EIF2B1: variants seen among roughly 807,000 people sequenced by gnomAD.
EIF2B1 encodes eukaryotic translation initiation factor 2B subunit alpha, also known as translation initiation factor eIF2B subunit alpha.
In EIF2B1, 30 loss-of-function variants were observed where a neutral mutation model predicts 36.8. The ratio of observed to expected loss-of-function variants is 0.81; its 90% CI spans 0.61 to 1.10. EIF2B1 has a LOEUF of 1.10. Among genes scored for constraint, EIF2B1 ranks in the 50% least tolerant of loss-of-function variants. The pLI, the probability that EIF2B1 is intolerant of heterozygous loss-of-function variation, is 0.00. For missense variants in EIF2B1, 271 were observed against 374.8 expected (o/e 0.72, Z 2.29); for synonymous variants, 139 against 142.2 (o/e 0.98, Z 0.16).
chr12:123,623,743 G>A (rs1287660899), intron 7 of EIF2B1, among the ~76,000 whole-genome samples: 1 of 151,992 alleles, frequency 6.6e-6, no homozygotes, highest in African/African-American at 2.4e-5. Flanking sequence ...CAAAGTGCTG[G>A]GATTATAGGC....
In EIF2B1 at chr12:123,621,360, C is replaced by T. The variant is rs1256102487; in HGVS notation, c.*396G>A. The T allele has an allele frequency of 9.0e-6, 3 of 332,046 alleles. No homozygotes were observed. Among genetic ancestry groups the T allele is most frequent in the South Asian group, 5.0e-5 (2 of 40,336 alleles). 20.6% of individuals were successfully genotyped at this position (332,046 alleles called of 1,614,324 possible). ...TGTAACGTCCTGACCAGCTGTTGGTCATTTGTGGCAGAGGGGTGTGGCTGC... is the reference window on the plus strand; with the variant it reads ...TGTAACGTCCTGACCAGCTGTTGGTTATTTGTGGCAGAGGGGTGTGGCTGC... On this transcript the variant is annotated 3_prime_UTR_variant, in exon 9 of 9. Coordinates refer to ENST00000424014, the MANE Select transcript of EIF2B1 (RefSeq NM_001414.4).
chr12:123,621,432 A>AG lies in EIF2B1; in HGVS notation c.*323dup, dbSNP rs1955097075. The AG allele has an allele frequency of 2.6e-6, 1 of 382,712 alleles. No homozygotes were observed. Among genetic ancestry groups the AG allele is most frequent in the African/African-American group, 2.1e-5 (1 of 47,704 alleles). The allele number at this position is 382,712 out of a possible 1,614,324, so 23.7% of individuals were successfully genotyped here. Reference sequence around the variant, plus strand: ...CTTTAGGCAGATCAGTCTGGAGTGCAGGGGAGGATGAAGACAGGTGGACTT... The same window carrying AG: ...CTTTAGGCAGATCAGTCTGGAGTGCAGGGGGAGGATGAAGACAGGTGGACTT... On this transcript the variant is annotated 3_prime_UTR_variant, in exon 9 of 9. Coordinates refer to ENST00000424014, the MANE Select transcript of EIF2B1 (RefSeq NM_001414.4).
chr12:123,632,291 GA>G (rs1167365932), intron 2 of EIF2B1, 53 bp downstream of exon 2: 14 of 912,960 alleles, frequency 1.5e-5, no homozygotes, highest in Admixed American at 7.1e-5. Context: ...AAAAAGAAAA[GA>G]AAAAAAAGAC....
intron 4 of EIF2B1, among the ~76,000 whole-genome samples, chr12:123,629,165 A>T (rs921223083): frequency 6.6e-6 from 1 of 152,184 alleles, no homozygotes; most frequent in Non-Finnish European, 1.5e-5. Context: ...AAGAGTCAAA[A>T]TGCAAGTAAA....
In EIF2B1 at chr12:123,630,106, AC is replaced by A; in HGVS notation, c.369+62del. 2.8e-6 allele frequency: 4 copies of A among 1,449,642 alleles called. No individual in the cohort carries two copies. Among genetic ancestry groups the A allele is most frequent in the Non-Finnish European group, 3.9e-6 (4 of 1,033,948 alleles). 89.8% of individuals were successfully genotyped at this position (1,449,642 alleles called of 1,614,324 possible). A position where few individuals can be genotyped will look rare whatever the true frequency, so the allele number is the denominator to read the frequency against. ...AAGTGAGTGGCAGAGCCCGGATTTT[AC>A]CCCAGGCAGTCGGACTCGAAACCGT... On this transcript the variant is annotated intron_variant, in intron 4 of 8. Transcript: ENST00000424014. This position sits in a 1 kb window ranked among gnomAD's most constrained non-coding sequence, Gnocchi z 4.6.
intron 1 of EIF2B1, 78 bp downstream of exon 1, chr12:123,633,467 C>T: frequency 6.3e-7 from 1 of 1,598,888 alleles, no homozygotes; most frequent in Non-Finnish European, 8.6e-7. Context: ...TTCGGGAGCT[C>T]AGCCTGGATG....
chr12:123,626,570 G>A, intron 5 of EIF2B1, 77 bp from the exon 6 acceptor site: 1 of 1,518,698 alleles, frequency 6.6e-7, no homozygotes, highest in African/African-American at 1.4e-5. Flanking sequence ...AATGTGGACA[G>A]TGGATGTTTG....
At chr12:123,626,374 G>A (rs748227864) in intron 6 of EIF2B1, 51 bp downstream of exon 6, 1 of 1,607,506 alleles carries the variant, frequency 6.2e-7, no homozygotes, top group South Asian at 1.1e-5. Flanking sequence ...CTTGCTGTAA[G>A]CCAGCATGGG....
At chr12:123,633,302 G>T (rs980086011) in intron 1 of EIF2B1, among the ~76,000 whole-genome samples, 2 of 151,040 alleles carry the variant, frequency 1.3e-5, no homozygotes, top group African/African-American at 4.9e-5. Flanking sequence ...CAACAAGGCA[G>T]GAAGGAGACT....
At chr12:123,622,368 G>C (rs1238326871) in intron 8 of EIF2B1, among the ~76,000 whole-genome samples, 1 of 152,190 alleles carries the variant, frequency 6.6e-6, no homozygotes, top group African/African-American at 2.4e-5. Context: ...GTGGTGATGG[G>C]AGCTGAGCTC....
chr12:123,623,878 A>G (rs1182370808), intron 7 of EIF2B1, among the ~76,000 whole-genome samples: 2 of 152,148 alleles, frequency 1.3e-5, no homozygotes, highest in African/African-American at 4.8e-5. Flanking sequence ...TGCTCAATTA[A>G]AATGAAAACA....
intron 7 of EIF2B1, among the ~76,000 whole-genome samples, chr12:123,623,125 A>C (rs1317491520): frequency 7.0e-6 from 1 of 142,758 alleles, no homozygotes; most frequent in Non-Finnish European, 1.5e-5. Flanking sequence ...TCACGCCTGT[A>C]ATCCCAGCAC....
chr12:123,620,506 T>C lies in EIF2B1; in HGVS notation c.*1250A>G. On this transcript the variant is annotated 3_prime_UTR_variant, in exon 9 of 9. Transcript: ENST00000424014. ...CTTGGAGTAGTCTAACAGAAGAAAA[T>C]GTAAAATTATTTGAGTGTAAATAAT... 1 of 152,676 alleles carries C rather than the reference T, an allele frequency of 6.5e-6. No individual in the cohort carries two copies. Among genetic ancestry groups the C allele is most frequent in the East Asian group, 1.9e-4 (1 of 5,234 alleles). 9.5% of individuals were successfully genotyped at this position (152,676 alleles called of 1,614,324 possible). A position where few individuals can be genotyped will look rare whatever the true frequency, so the allele number is the denominator to read the frequency against.
At chr12:123,623,977 C>A (rs1001516558) in intron 7 of EIF2B1, among the ~76,000 whole-genome samples, 2 of 151,594 alleles carry the variant, frequency 1.3e-5, no homozygotes, top group Non-Finnish European at 2.9e-5. Flanking sequence ...TTCAAGACTG[C>A]AGTAAGCTAT....
chr12:123,626,277 T>C, intron 6 of EIF2B1, 148 bp downstream of exon 6: 4 of 857,818 alleles, frequency 4.7e-6, no homozygotes, highest in Non-Finnish European at 7.5e-6. Context: ...CATAACAAGC[T>C]TGCTGGTTTA....
intron 4 of EIF2B1, among the ~76,000 whole-genome samples, chr12:123,627,958 T>C (rs1017064242): frequency 3.3e-5 from 5 of 152,230 alleles, no homozygotes; most frequent in African/African-American, 1.2e-4. Context: ...AATTTTGAAA[T>C]GATGGCTAAC....
intron 5 of EIF2B1, chr12:123,626,734 A>C (rs1310124166): frequency 3.1e-6 from 2 of 635,752 alleles, no homozygotes; most frequent in Non-Finnish European, 5.6e-6. Context: ...AAAAAGGAGG[A>C]AGTTTTGCTT....
chr12:123,622,974 C>T (rs1346707598), intron 7 of EIF2B1, among the ~76,000 whole-genome samples: 1 of 151,526 alleles, frequency 6.6e-6, no homozygotes, highest in African/African-American at 2.4e-5. Context: ...TAAAAAACAG[C>T]AATAGAAAGT....
rs371367101 is a variant in EIF2B1 at position 123,630,481 on chromosome 12, C to G, written c.168G>C (p.Leu56=). 5.6e-6 allele frequency: 9 copies of G among 1,613,878 alleles called. No individual in the cohort carries two copies. The highest frequency in any genetic ancestry group is 7.6e-6 in the Non-Finnish European group (9 of 1,180,006). ...RANLTSAIET[L]CGVDSSVAVS... ...CTGCCACAGAGGAGTCCACACCACACAGGGTTTCTATGGCACTGGTGAGAT... is the reference window on the plus strand; with the variant it reads ...CTGCCACAGAGGAGTCCACACCACAGAGGGTTTCTATGGCACTGGTGAGAT... Residue 56 remains leucine (L), a synonymous_variant, in exon 3 of 9, where the codon CTG becomes CTC. Transcript: ENST00000424014. The surrounding 1 kb of genome is among the most constrained non-coding windows in gnomAD (Gnocchi z 4.6).
Sources: gnomAD v4.1 joint callset for allele counts (sites outside exome capture counted in the v4.1 genomes callset) on GRCh38, gnomAD v4.1.1 for gene constraint, Gnocchi (gnomAD v3.1) non-coding constraint, MANE v1.5 for transcripts, NCBI Gene and HGNC (gene_info 2026-07-23, HGNC 2026-07-21) for gene names.